Variants in ZFHX3 observed in about 807,000 individuals in gnomAD.
ZFHX3 encodes the protein zinc finger homeobox 3, also known as zinc finger homeobox protein 3.
Under a neutral mutation model 279.1 loss-of-function variants are expected in ZFHX3, and 42 were observed. That is an observed-to-expected ratio of 0.15 (90% CI 0.12 to 0.19). The LOEUF is 0.19. ZFHX3 is among the 10% of genes least tolerant of loss of function. ZFHX3 has a pLI of 1.00. For missense variants in ZFHX3, 4,981 were observed against 4,754.0 expected, an observed-to-expected ratio of 1.05 and a Z score of -1.40; for synonymous variants, 2,293 against 1,957.8, an observed-to-expected ratio of 1.17 and a Z score of -4.52.
chr16:73,294,817 A>G (rs2014867529), intron 4 of ZFHX3, among the ~76,000 whole-genome samples: 1 of 151,548 alleles, frequency 6.6e-6, no homozygotes, highest in African/African-American at 2.4e-5. Context: ...ATCTCAAAAA[A>G]AAAAAAACCA....
At chr16:73,185,486 T>C (rs1337739575) in intron 5 of ZFHX3, among the ~76,000 whole-genome samples, 3 of 152,142 alleles carry the variant, frequency 2.0e-5, no homozygotes, top group Non-Finnish European at 4.4e-5. Context: ...GCTTAATATA[T>C]ACAGTGTTTG....
At chr16:73,525,357 G>A (rs911061183) in intron 2 of ZFHX3, among the ~76,000 whole-genome samples, 5 of 152,140 alleles carry the variant, frequency 3.3e-5, no homozygotes, top group Non-Finnish European at 5.9e-5. Flanking sequence ...GGAAAGGGAC[G>A]CGATTTGTTT....
Position 72,950,709 on chromosome 16 carries a change from G to A in ZFHX3, c.2976C>T (p.Asn992=). ...DSYQCKLCRY[N]TQLKANFQLH... ...GCTGGAAGTTGGCCTTGAGCTGGGT[G>A]TTGTAGCGGCAGAGCTTGCACTGGT... Residue 992 remains asparagine, a synonymous_variant, in exon 3 of 10, where the codon AAC becomes AAT. Coordinates refer to ENST00000268489, the MANE Select transcript of ZFHX3 (RefSeq NM_006885.4). 1 of 1,614,234 alleles carries A rather than the reference G, an allele frequency of 6.2e-7. No individual in the cohort carries two copies. Among genetic ancestry groups the A allele is most frequent in the South Asian group, 1.1e-5 (1 of 91,082 alleles).
At chr16:73,243,744 T>TTGTG (rs34895940) in intron 5 of ZFHX3, among the ~76,000 whole-genome samples, 5,915 of 149,980 alleles carry the variant, frequency 0.039, 309 homozygotes, top group African/African-American at 0.12. Flanking sequence ...CCAACACGTT[T>TTGTG]TGTGTGTGTG....
chr16:73,550,934 A>C (rs1384169186), intron 2 of ZFHX3, among the ~76,000 whole-genome samples: 1 of 152,206 alleles, frequency 6.6e-6, no homozygotes, highest in Non-Finnish European at 1.5e-5. Flanking sequence ...CATTGATGGG[A>C]GCATTAGCCT....
chr16:73,671,600 T>C (rs1048423732), intron 2 of ZFHX3, among the ~76,000 whole-genome samples: 1 of 152,236 alleles, frequency 6.6e-6, no homozygotes, highest in Non-Finnish European at 1.5e-5. Flanking sequence ...CAGTGAAATG[T>C]AAATACATGT....
At chr16:72,942,522 A>G (rs1381159923) in intron 3 of ZFHX3, among the ~76,000 whole-genome samples, 1 of 152,142 alleles carries the variant, frequency 6.6e-6, no homozygotes, top group African/African-American at 2.4e-5. Flanking sequence ...ATATTTTGAC[A>G]AAGTGGTAGC....
At chr16:73,792,856 A>ACCCCCCCCCCCCCCCCC (rs55813623) in intron 1 of ZFHX3, among the ~76,000 whole-genome samples, 2 of 135,100 alleles carry the variant, frequency 1.5e-5, no homozygotes, top group Non-Finnish European at 3.1e-5. Context: ...CATACAGTGC[A>ACCCCCCCCCCCCCCCCC]CCCCCCCCCT....
intron 3 of ZFHX3, among the ~76,000 whole-genome samples, chr16:73,403,725 G>T (rs1414496480): frequency 2.0e-5 from 3 of 152,156 alleles, no homozygotes; most frequent in African/African-American, 7.2e-5. Flanking sequence ...ACATCCAAAT[G>T]GTAACTTCTT....
chr16:73,132,144 A>C (rs1224280143), intron 6 of ZFHX3, among the ~76,000 whole-genome samples: 1 of 152,068 alleles, frequency 6.6e-6, no homozygotes, highest in Non-Finnish European at 1.5e-5. Flanking sequence ...AATTAGCCCC[A>C]TGAGGTGGCA....
At chr16:73,834,111 G>A (rs182092080) in intron 1 of ZFHX3, among the ~76,000 whole-genome samples, 4 of 152,254 alleles carry the variant, frequency 2.6e-5, no homozygotes, top group Admixed American at 6.5e-5. Context: ...TGGCCAAGGT[G>A]AGCCTCTACG....
Position 73,074,727 on chromosome 16 carries a change from A to G in ZFHX3, c.-532-15715T>C, listed in dbSNP as rs373151256. Among the ~76,000 whole-genome samples the G allele has an allele frequency of 2.6e-5, 4 of 152,090 alleles. No homozygotes were observed. The East Asian group carries it at 7.8e-4, about 30-fold the overall frequency. The stretch of plus-strand genomic sequence containing the variant: ...AAGGGAGGGAGGGAGGGAGGATCAG[A>G]TCGCATTGAAACACTCAGTGTAAGT... On this transcript the variant is annotated intron_variant, in intron 8 of 17. Coordinates refer to the ZFHX3 transcript ENST00000641206.
At chr16:73,381,062 T>C (rs115717215) in intron 3 of ZFHX3, among the ~76,000 whole-genome samples, 2,839 of 152,290 alleles carry the variant, frequency 0.019, 88 homozygotes, top group African/African-American at 0.065. Context: ...AAATCTTACA[T>C]AAATTTTCCC....
chr16:72,846,335 A>G (rs2037479357), intron 4 of ZFHX3, among the ~76,000 whole-genome samples: 2 of 152,242 alleles, frequency 1.3e-5, no homozygotes, highest in Admixed American at 1.3e-4. Context: ...GGCACGTGCA[A>G]AGACCCAGGG....
rs1000077225 is a variant in ZFHX3 at position 73,863,448 on chromosome 16, T to C, written c.-1608+28203A>G. Among the ~76,000 whole-genome samples the C allele has an allele frequency of 3.3e-5, 5 of 152,054 alleles. No individual in the cohort carries two copies. The South Asian group carries it at 6.2e-4, about 19-fold the overall frequency. On this transcript the variant is annotated intron_variant, in intron 1 of 17. Coordinates refer to the ZFHX3 transcript ENST00000641206. ...TTGCCTAAGACTGTGAGATGGCTTA[T>C]ATAAACCAAAGCCACCCTTGTGTCC... is the stretch of plus-strand genomic sequence containing the variant.
intron 4 of ZFHX3, among the ~76,000 whole-genome samples, chr16:72,876,123 A>G (rs1231344201): frequency 6.6e-6 from 1 of 152,224 alleles, no homozygotes; most frequent in African/African-American, 2.4e-5. Flanking sequence ...GCCGCTTCAT[A>G]AAACACACGT....
Position 72,950,976 on chromosome 16 carries a change from G to A in ZFHX3, c.2720-11C>T, listed in dbSNP as rs1281105875. 6 of 1,603,552 alleles carry A rather than the reference G, an allele frequency of 3.7e-6. No homozygotes were observed. The highest frequency in any genetic ancestry group is 5.1e-6 in the Non-Finnish European group (6 of 1,172,544). On this transcript the variant is annotated splice_polypyrimidine_tract_variant and intron_variant, in intron 2 of 9. Coordinates refer to ENST00000268489, the MANE Select transcript of ZFHX3 (RefSeq NM_006885.4). ...GGATCTCACCGCCCACTGCAGGGAAGGAGAGAAGGAGAGAGTCAGACACCA... is the reference window on the plus strand; with the variant it reads ...GGATCTCACCGCCCACTGCAGGGAAAGAGAGAAGGAGAGAGTCAGACACCA...
chr16:73,718,521 C>T (rs978720151), intron 1 of ZFHX3, among the ~76,000 whole-genome samples: 1 of 152,198 alleles, frequency 6.6e-6, no homozygotes, highest in African/African-American at 2.4e-5. Context: ...TAAAATCTAG[C>T]TGAGGGTAGG....
intron 2 of ZFHX3, among the ~76,000 whole-genome samples, chr16:72,954,431 G>A (rs967949095): frequency 4.6e-5 from 7 of 152,156 alleles, no homozygotes; most frequent in South Asian, 2.1e-4. Context: ...CACTGGATAC[G>A]TGGTCTTGGA....
Sources: gnomAD v4.1 joint callset for allele counts (sites outside exome capture counted in the v4.1 genomes callset) on GRCh38, gnomAD v4.1.1 for gene constraint, MANE v1.5 for transcripts, NCBI Gene and HGNC (gene_info 2026-07-23, HGNC 2026-07-21) for gene names.